SPG11: variants seen among roughly 807,000 people sequenced by gnomAD.
The protein encoded by SPG11 is SPG11 vesicle trafficking associated, spatacsin.
SPG11 carries 222 observed loss-of-function variants against 274.0 expected under a neutral mutation model. The observed-to-expected ratio is 0.81, with a 90% CI of 0.73 to 0.91. The LOEUF (loss-of-function observed/expected upper bound fraction) is 0.91, where lower values mean the gene tolerates loss of function less well. Ranked by LOEUF, SPG11 falls within the 40% of genes least tolerant of loss-of-function variation. The probability of loss-of-function intolerance (pLI) is 0.00; values close to 1 mark genes in which losing one functional copy is unlikely to be tolerated. For synonymous variants in SPG11, 1,144 were observed against 1,039.7 expected (o/e 1.10, Z -1.93); for missense variants, 3,114 against 2,872.7 (o/e 1.08, Z -1.92).
intron 17 of SPG11, 97 bp from the exon 18 acceptor site, chr15:44,611,082 T>C: frequency 8.8e-6 from 2 of 226,702 alleles, no homozygotes; most frequent in South Asian, 9.6e-5. Context: ...TTTTTAACTC[T>C]ATCCCCAGTA....
Position 44,622,351 on chromosome 15 carries a change from G to C in SPG11, c.2317-4C>G, listed in dbSNP as rs754948167. 8 of 1,536,932 alleles carry C rather than the reference G, an allele frequency of 5.2e-6. No homozygotes were observed. The highest frequency in any genetic ancestry group is 2.3e-5 in the East Asian group (1 of 44,130). On this transcript the variant is annotated splice_polypyrimidine_tract_variant and splice_region_variant and intron_variant, in intron 12 of 39. Coordinates refer to ENST00000261866, the MANE Select transcript of SPG11 (RefSeq NM_025137.4). Reference sequence around the variant, plus strand: ...TTTTTTCTTTTAAAATTTCAACCTTGAATAAAAAGTAATTAAAGCAGTGAC... The same window carrying C: ...TTTTTTCTTTTAAAATTTCAACCTTCAATAAAAAGTAATTAAAGCAGTGAC...
chr15:44,592,490 T>C (rs372480100), intron 26 of SPG11, 52 bp from the exon 27 acceptor site: 9 of 1,031,994 alleles, frequency 8.7e-6, no homozygotes, highest in African/African-American at 4.7e-5. Context: ...TAATATTTTT[T>C]CAATGAATAA....
Position 44,585,704 on chromosome 15 carries a change from G to T in SPG11, c.5053C>A (p.Gln1685Lys), listed in dbSNP as rs781044384. 4 of 1,609,676 alleles carry T rather than the reference G, an allele frequency of 2.5e-6. No homozygotes were observed. The East Asian group carries it at 9.0e-5, about 36-fold the overall frequency. Reference protein sequence around the residue: ...SILERLQTDGQFALARRVAEL... With the variant: ...SILERLQTDGKFALARRVAEL... ...GCTACCCTCCTGGCCAAAGCGAATT[G>T]TCCATCTGTCTGCAGTCTTTCCAAA... The change falls in exon 29 of 40, where the codon CAA (glutamine) becomes AAA (lysine). Residue 1685 changes from glutamine to lysine, a missense_variant. Physicochemically the swap from Gln to Lys is moderately conservative, Grantham distance 53. Coordinates refer to ENST00000261866, the MANE Select transcript of SPG11 (RefSeq NM_025137.4).
At position 44,615,514 on chromosome 15, in the gene SPG11, T is replaced by G. The variant is rs150689014; in HGVS notation, c.2887A>C (p.Arg963=). Residue 963 remains arginine (R), a synonymous_variant, in exon 16 of 40, where the codon AGA becomes CGA. Coordinates refer to ENST00000261866, the MANE Select transcript of SPG11 (RefSeq NM_025137.4). ...ATTACACCTCCAATACGGCTCAGTC[T>G]TAGGAGGAAGCATTCAAAGTCTTCC... is the stretch of plus-strand genomic sequence containing the variant. ...ELEDFECFLL[R]LSRIGGVIQD... is the part of the protein sequence containing the mutation. 1,889 of 1,614,074 alleles carry G rather than the reference T, an allele frequency of 1.2e-3. 2 individuals are homozygous for G. The highest frequency in any genetic ancestry group is 1.8e-3 in the Admixed American group (108 of 60,016).
chr15:44,658,943 T>TA (rs762882218), intron 3 of SPG11, 136 bp downstream of exon 3: 141 of 762,970 alleles, frequency 1.8e-4, no homozygotes, highest in Non-Finnish European at 2.9e-4. Flanking sequence ...GAGGATCTTT[T>TA]TCCATGAAAA....
rs2083518894 is a variant in SPG11, at chr15:44,613,646, AAAAGT to A, written c.3039-115_3039-111del. 5.7e-6 allele frequency: 4 copies of A among 700,160 alleles called. No homozygotes were observed. In the South Asian group the frequency reaches 6.5e-5, roughly 11 times the overall value. 43.4% of individuals were successfully genotyped at this position (700,160 alleles called of 1,614,324 possible). A position where few individuals can be genotyped will look rare whatever the true frequency, so the allele number is the denominator to read the frequency against. On this transcript the variant is annotated intron_variant, in intron 16 of 39. Transcript: ENST00000261866. Reference sequence around the variant, plus strand: ...ATTTAAAAAAAGAATCTTGGAATTAAAAAGTAAATATAACACAAAATACTCCCACT... The same window carrying A: ...ATTTAAAAAAAGAATCTTGGAATTAAAAATATAACACAAAATACTCCCACT...
Position 44,651,540 on chromosome 15 carries a change from A to C in SPG11, c.1407T>G (p.Cys469Trp), listed in dbSNP as rs2141105909. Residue 469 changes from cysteine (C) to tryptophan (W), a missense_variant, in exon 6 of 40, where the codon TGT (cysteine) becomes TGG (tryptophan). Coordinates refer to ENST00000261866, the MANE Select transcript of SPG11 (RefSeq NM_025137.4). ...GGTCTCCACTACTGTCTACAGGAAT[A>C]CACTTTGTGCCAAGGGAAAAACACT... Reference protein sequence around the residue: ...GMQCFSLGTKCIPVDSSGDQQ... With the variant: ...GMQCFSLGTKWIPVDSSGDQQ... The C allele has an allele frequency of 1.9e-6, 3 of 1,614,186 alleles. No individual in the cohort carries two copies. The highest frequency in any genetic ancestry group is 2.5e-6 in the Non-Finnish European group (3 of 1,180,022).
At chr15:44,588,225 T>C (rs926925210) in intron 28 of SPG11, among the ~76,000 whole-genome samples, 2 of 151,560 alleles carry the variant, frequency 1.3e-5, no homozygotes, top group African/African-American at 4.9e-5. Context: ...GTGGAAAAGA[T>C]AGTAAGGCAA....
intron 30 of SPG11, among the ~76,000 whole-genome samples, 154 bp downstream of exon 30, chr15:44,583,660 G>GCCTA (rs2082698411): frequency 6.6e-6 from 1 of 152,090 alleles, no homozygotes; most frequent in Non-Finnish European, 1.5e-5. Context: ...CTATTTCATT[G>GCCTA]CCTAGTTAAT....
chr15:44,566,201 A>G lies in SPG11; in HGVS notation c.6843+16T>C. ...AGCAAGTCCCAAGGCCAGTCTGAAA[A>G]AAGCCTTTGGGTTACCTTGGCATAA... On this transcript the variant is annotated intron_variant, in intron 37 of 39. Coordinates refer to ENST00000261866, the MANE Select transcript of SPG11 (RefSeq NM_025137.4). The G allele has an allele frequency of 1.2e-6, 2 of 1,614,036 alleles. No individual in the cohort carries two copies. Among genetic ancestry groups the G allele is most frequent in the Non-Finnish European group, 1.7e-6 (2 of 1,179,864 alleles).
chr15:44,632,686 C>T (rs2084106593), intron 8 of SPG11, among the ~76,000 whole-genome samples: 1 of 151,826 alleles, frequency 6.6e-6, no homozygotes, highest in South Asian at 2.1e-4. Flanking sequence ...TTTTAAAATT[C>T]TTTTGTAGAA....
rs752492892 is a variant in SPG11, at chr15:44,584,298, C to T, written c.5382G>A (p.Leu1794=). The T allele has an allele frequency of 6.2e-7, 1 of 1,612,696 alleles. No individual in the cohort carries two copies. The highest frequency in any genetic ancestry group is 1.1e-5 in the South Asian group (1 of 91,014). Residue 1794 remains leucine, a synonymous_variant, in exon 30 of 40, where the codon CTG becomes CTA. Transcript: ENST00000261866. ...GCCAGATCTGCTTCTCCAGCTCCTC[C>T]AGCTTATCCAAGGGCACCACGTCCT... ...AQEDVVPLDK[L]EELEKQIWLC...
chr15:44,569,504 A>T lies in SPG11; in HGVS notation c.6479T>A (p.Val2160Glu). 3 of 1,583,518 alleles carry T rather than the reference A, an allele frequency of 1.9e-6. No homozygotes were observed. The highest frequency in any genetic ancestry group is 2.6e-6 in the Non-Finnish European group (3 of 1,163,326). The stretch of plus-strand genomic sequence containing the variant: ...CCTTCCAATGCCAGTGAGGAGCCGT[A>T]CCTGTGAAGTGGGAGGACAGCTCGC... ...LAPSEEYGLVVRLLTGIGRYN... is the reference protein window; with the variant it reads ...LAPSEEYGLVERLLTGIGRYN... The change falls in exon 35 of 40, where the codon GTA becomes GAA. Residue 2160 changes from valine to glutamate, a missense_variant and splice_region_variant. Physicochemically the swap from Val to Glu is moderately radical, Grantham distance 121. Coordinates refer to ENST00000261866, the MANE Select transcript of SPG11 (RefSeq NM_025137.4).
At chr15:44,602,840 A>T (rs2140987643) in intron 20 of SPG11, among the ~76,000 whole-genome samples, 1 of 152,094 alleles carries the variant, frequency 6.6e-6, no homozygotes. Flanking sequence ...GTGTATGTTG[A>T]ACCATCCTGG....
At chr15:44,569,102 G>A (rs1441071642) in intron 35 of SPG11, among the ~76,000 whole-genome samples, 10 of 151,154 alleles carry the variant, frequency 6.6e-5, no homozygotes, top group Admixed American at 6.0e-4. Context: ...CCTGGGGGGC[G>A]GATGTTGCGC....
intron 7 of SPG11, among the ~76,000 whole-genome samples, chr15:44,641,755 G>C (rs563415100): frequency 2.0e-5 from 3 of 151,874 alleles, no homozygotes; most frequent in African/African-American, 7.2e-5. Flanking sequence ...ATACACTGCT[G>C]GTGAGAGCAT....
At chr15:44,598,117 T>A in intron 23 of SPG11, 148 bp downstream of exon 23, 1 of 649,132 alleles carries the variant, frequency 1.5e-6, no homozygotes, top group Admixed American at 2.5e-5. Flanking sequence ...ATTCATTTAC[T>A]GAGTATCTGC....
intron 7 of SPG11, among the ~76,000 whole-genome samples, chr15:44,646,610 T>C (rs527490254): frequency 2.6e-4 from 40 of 152,168 alleles, no homozygotes; most frequent in Admixed American, 6.5e-4. Flanking sequence ...GATAAAGAAT[T>C]TGTGATTCAT....
chr15:44,575,208 G>T, intron 30 of SPG11, 167 bp from the exon 31 acceptor site: 2 of 768,778 alleles, frequency 2.6e-6, no homozygotes, highest in Non-Finnish European at 4.1e-6. Context: ...TTCTTTCATT[G>T]CCCTCTTCCA....
Sources: gnomAD v4.1 joint callset for allele counts (sites outside exome capture counted in the v4.1 genomes callset) on GRCh38, gnomAD v4.1.1 for gene constraint, MANE v1.5 for transcripts, NCBI Gene and HGNC (gene_info 2026-07-23, HGNC 2026-07-21) for gene names.